PAQR3: variants seen among roughly 807,000 people sequenced by gnomAD.
PAQR3 encodes progestin and adipoQ receptor family member 3.
In PAQR3, 39 loss-of-function variants were observed where a neutral mutation model predicts 41.7. That is an observed-to-expected ratio of 0.93 (90% confidence interval 0.72 to 1.22). The LOEUF is 1.22. Among genes scored for constraint, PAQR3 ranks in the 50% most tolerant of loss-of-function variants. The pLI, the probability that PAQR3 is intolerant of heterozygous loss-of-function variation, is 0.00. For synonymous variants in PAQR3, 140 were observed against 140.6 expected, an observed-to-expected ratio of 1.00 and a Z score of 0.03; for missense variants, 366 against 385.6, an observed-to-expected ratio of 0.95 and a Z score of 0.42.
chr4:78,920,324 T>C lies in PAQR3; in HGVS notation c.*215A>G, dbSNP rs1735527053. 5 of 1,199,670 alleles carry C rather than the reference T, an allele frequency of 4.2e-6. No individual in the cohort carries two copies. The South Asian group carries it at 1.2e-4, about 28-fold the overall frequency. The allele number at this position is 1,199,670 out of a possible 1,614,324, so 74.3% of individuals were successfully genotyped here. On this transcript the variant is annotated 3_prime_UTR_variant, in exon 6 of 6. Transcript: ENST00000512733. ...CTTATGATTGCCAACTAATTTTCACTTTCTGTACAAGCAGCAAATTAGTAG... is the reference window on the plus strand; with the variant it reads ...CTTATGATTGCCAACTAATTTTCACCTTCTGTACAAGCAGCAAATTAGTAG...
intron 11 of PAQR3, among the ~76,000 whole-genome samples, chr4:78,900,044 T>C (rs1733911990): frequency 6.6e-6 from 1 of 152,160 alleles, no homozygotes; most frequent in Non-Finnish European, 1.5e-5. Flanking sequence ...ATACACTAAT[T>C]TTCTTTCGCC....
At chr4:78,905,541 G>C (rs930205002) in intron 11 of PAQR3, among the ~76,000 whole-genome samples, 3 of 151,884 alleles carry the variant, frequency 2.0e-5, no homozygotes, top group Non-Finnish European at 4.4e-5. Context: ...CATGTTGTTA[G>C]TGCTTATTCT....
chr4:78,935,240 A>G lies in PAQR3; in HGVS notation c.229T>C (p.Leu77=), dbSNP rs1737305825. 1.2e-6 allele frequency: 2 copies of G among 1,613,772 alleles called. No homozygotes were observed. The highest frequency in any genetic ancestry group is 1.7e-6 in the Non-Finnish European group (2 of 1,179,786). ...GTGAAGAAGAGAAAGAAACCCAGCA[A>G]ATGACTCCAGATGTTTACTGTCTCA... ...SNETVNIWSH[L]LGFFLFFTLG... The change falls in exon 2 of 6, where the codon TTG becomes CTG. Residue 77 remains leucine (L), a synonymous_variant. Coordinates refer to ENST00000512733, the MANE Select transcript of PAQR3 (RefSeq NM_001040202.2).
chr4:78,893,168 C>G (rs1342441676), intron 11 of PAQR3, among the ~76,000 whole-genome samples: 1 of 152,210 alleles, frequency 6.6e-6, no homozygotes, highest in Admixed American at 6.5e-5. Context: ...GTCATTTCAG[C>G]AGTGTTCACA....
At chr4:78,888,412 A>G (rs992381156) in intron 11 of PAQR3, among the ~76,000 whole-genome samples, 13 of 152,228 alleles carry the variant, frequency 8.5e-5, no homozygotes, top group African/African-American at 3.1e-4. Context: ...TAGTCATTGT[A>G]AGTTCTCAAG....
intron 1 of PAQR3, among the ~76,000 whole-genome samples, chr4:78,935,675 G>A (rs553471555): frequency 1.3e-5 from 2 of 152,268 alleles, no homozygotes; most frequent in East Asian, 1.9e-4. Flanking sequence ...AGAAATGAAC[G>A]TGCAGAGGAA....
chr4:78,906,102 A>G (rs1012779609), intron 11 of PAQR3: 2 of 152,114 alleles, frequency 1.3e-5, no homozygotes, highest in African/African-American at 2.4e-5. Context: ...TACTGCAGAA[A>G]CTTACCTTGG....
At position 78,911,921 on chromosome 4, in the gene PAQR3, C is replaced by T; in HGVS notation, c.*8618G>A. On this transcript the variant is annotated 3_prime_UTR_variant, in exon 6 of 6. Coordinates refer to ENST00000512733, the MANE Select transcript of PAQR3 (RefSeq NM_001040202.2). Reference sequence around the variant, plus strand: ...GTATTGAAAATGGATGATTTTGGTGCCGTGCCCTTTACAGAACTTGTGGTG... The same window carrying T: ...GTATTGAAAATGGATGATTTTGGTGTCGTGCCCTTTACAGAACTTGTGGTG... 4 of 1,613,950 alleles carry T rather than the reference C, an allele frequency of 2.5e-6. No individual in the cohort carries two copies. The highest frequency in any genetic ancestry group is 3.4e-6 in the Non-Finnish European group (4 of 1,179,876).
At position 78,920,679 on chromosome 4, in the gene PAQR3, G is replaced by A; in HGVS notation, c.796C>T (p.Gln266Ter). 6.3e-7 allele frequency: 1 copy of A among 1,598,620 alleles called. No individual in the cohort carries two copies. Among genetic ancestry groups the A allele is most frequent in the Non-Finnish European group, 8.5e-7 (1 of 1,172,020 alleles). The change falls in exon 6 of 6, where the codon CAA (glutamine) becomes TAA (stop). Residue 266 changes from glutamine (Q) to a stop codon, truncating the protein, a stop_gained and splice_region_variant. Coordinates refer to ENST00000512733, the MANE Select transcript of PAQR3 (RefSeq NM_001040202.2). LOFTEE classifies it high-confidence loss of function. The stretch of plus-strand genomic sequence containing the variant: ...TGGCTTGATCCGAGGTAGTTTAGTT[G>A]TCCTGGAAAGAAGGTAGAAAGAAAA... Reference protein sequence around the residue: ...SKVPERYFPGQLNYLGSSHQI... With the variant: ...SKVPERYFPG
At chr4:78,904,412 T>C (rs567723677) in intron 11 of PAQR3, among the ~76,000 whole-genome samples, 102 of 152,104 alleles carry the variant, frequency 6.7e-4, no homozygotes, top group African/African-American at 2.4e-3. Context: ...ATTTGTGTCC[T>C]CTTGACACTT....
intron 12 of PAQR3, among the ~76,000 whole-genome samples, chr4:78,887,555 AT>A (rs1350293670): frequency 6.6e-6 from 1 of 152,212 alleles, no homozygotes; most frequent in Non-Finnish European, 1.5e-5. Flanking sequence ...GTTGAAAAAA[AT>A]ATTTAAAGAT....
At chr4:78,909,641 C>G (rs1276225030), downstream of PAQR3, among the ~76,000 whole-genome samples, 1 of 152,168 alleles carries the variant, frequency 6.6e-6, no homozygotes, top group African/African-American at 2.4e-5. Context: ...TTATCCTTTG[C>G]ATGGCTGGGC....
Position 78,913,808 on chromosome 4 carries a change from A to G in PAQR3, c.*6731T>C, listed in dbSNP as rs1374949288. 2.0e-5 allele frequency: 3 copies of G among 152,108 alleles called. No homozygotes were observed. Among genetic ancestry groups the G allele is most frequent in the Non-Finnish European group, 4.4e-5 (3 of 67,980 alleles). The allele number at this position is 152,108 out of a possible 1,614,324, so 9.4% of individuals were successfully genotyped here. A position where few individuals can be genotyped will look rare whatever the true frequency, so the allele number is the denominator to read the frequency against. On this transcript the variant is annotated 3_prime_UTR_variant, in exon 6 of 6. Transcript: ENST00000512733. ...ATAGGGAAGCAATATGTGAATCACAATGTAGCAGAGGCAGACCAAGCATTA... is the reference window on the plus strand; with the variant it reads ...ATAGGGAAGCAATATGTGAATCACAGTGTAGCAGAGGCAGACCAAGCATTA...
rs1405046728 is a variant in PAQR3, at chr4:78,911,966, A to G, written c.*8573T>C. On this transcript the variant is annotated 3_prime_UTR_variant, in exon 6 of 6. Transcript: ENST00000512733. ...GTGGTGCAAAGCATCACTCCACATC[A>G]GTCCCAACAGTCCCAACCAGTCGAA... 1.2e-6 allele frequency: 2 copies of G among 1,613,960 alleles called. No individual in the cohort carries two copies. The highest frequency in any genetic ancestry group is 2.2e-5 in the East Asian group (1 of 44,874).
chr4:78,929,005 T>C (rs1021273703), intron 3 of PAQR3, among the ~76,000 whole-genome samples: 4 of 152,190 alleles, frequency 2.6e-5, no homozygotes, highest in Non-Finnish European at 4.4e-5. Context: ...CTGCTGCTGA[T>C]CTGACAGGAG....
rs1735286788 is a variant in PAQR3, at chr4:78,918,254, T to A, written c.*2285A>T. On this transcript the variant is annotated 3_prime_UTR_variant, in exon 6 of 6. Coordinates refer to ENST00000512733, the MANE Select transcript of PAQR3 (RefSeq NM_001040202.2). ...TATATTTTAATCTTACTTTAATCTA[T>A]AAAAACAAAAATAACTTAAATATAC... 1.1e-6 allele frequency: 1 copy of A among 932,124 alleles called. No individual in the cohort carries two copies. The highest frequency in any genetic ancestry group is 1.3e-6 in the Non-Finnish European group (1 of 782,074). The allele number at this position is 932,124 out of a possible 1,614,324, so 57.7% of individuals were successfully genotyped here. A position where few individuals can be genotyped will look rare whatever the true frequency, so the allele number is the denominator to read the frequency against.
rs756481683 is a variant in PAQR3 at position 78,935,125 on chromosome 4, A to C, written c.344T>G (p.Phe115Cys). The C allele has an allele frequency of 3.7e-6, 6 of 1,612,196 alleles. No individual in the cohort carries two copies. The highest frequency in any genetic ancestry group is 5.1e-6 in the Non-Finnish European group (6 of 1,179,468). The change falls in exon 2 of 6, where the codon TTC becomes TGC. Residue 115 changes from phenylalanine to cysteine, a missense_variant. By Grantham distance (205) the Phe-to-Cys change is radical. Coordinates refer to ENST00000512733, the MANE Select transcript of PAQR3 (RefSeq NM_001040202.2). ...FVICSICLFC[F>C]QVCMLCSVGY... ...AGTATTTGTGAAATGACTTACCTGG[A>C]AGCAGAAAAGACAAATAGAACAAAT...
At chr4:78,937,251 A>G (rs1439325742) in intron 1 of PAQR3, among the ~76,000 whole-genome samples, 1 of 152,158 alleles carries the variant, frequency 6.6e-6, no homozygotes, top group African/African-American at 2.4e-5. Flanking sequence ...GGAGGTTGTT[A>G]GGGGGAAGGG....
intron 4 of PAQR3, among the ~76,000 whole-genome samples, chr4:78,925,496 T>C (rs993115650): frequency 2.6e-5 from 4 of 152,190 alleles, no homozygotes; most frequent in Non-Finnish European, 4.4e-5. Context: ...TGTCCTCACA[T>C]TGGCCAAGTA....
Sources: gnomAD v4.1 joint callset for allele counts (sites outside exome capture counted in the v4.1 genomes callset) on GRCh38, gnomAD v4.1.1 for gene constraint, MANE v1.5 for transcripts, NCBI Gene and HGNC (gene_info 2026-07-23, HGNC 2026-07-21) for gene names.